ATG5: variants seen among roughly 807,000 people sequenced by gnomAD.
The protein encoded by ATG5 is autophagy related 5, also known as autophagy protein 5.
In ATG5, 14 loss-of-function variants were observed where a neutral mutation model predicts 36.5. The ratio of observed to expected loss-of-function variants is 0.38; its 90% CI spans 0.25 to 0.60. ATG5 has a LOEUF of 0.60. Among genes scored for constraint, ATG5 ranks in the 20% least tolerant of loss-of-function variants. ATG5 has a pLI of 0.60. For missense variants in ATG5, 195 were observed against 326.7 expected, an observed-to-expected ratio of 0.60 and a Z score of 3.11; for synonymous variants, 95 against 101.5, an observed-to-expected ratio of 0.94 and a Z score of 0.38.
chr6:106,279,261 C>T (rs935623031), intron 5 of ATG5, among the ~76,000 whole-genome samples: 2 of 152,156 alleles, frequency 1.3e-5, no homozygotes, highest in African/African-American at 4.8e-5. Context: ...GTCTACTGTC[C>T]TGAGAAAGCA....
chr6:106,286,761 T>G (rs1036582744), intron 4 of ATG5, among the ~76,000 whole-genome samples: 1 of 152,190 alleles, frequency 6.6e-6, no homozygotes, highest in Non-Finnish European at 1.5e-5. Context: ...TGACAAGAAC[T>G]TCACATGGTC....
At chr6:106,298,147 T>C (rs1770046934) in intron 3 of ATG5, among the ~76,000 whole-genome samples, 1 of 151,818 alleles carries the variant, frequency 6.6e-6, no homozygotes, top group Non-Finnish European at 1.5e-5. Context: ...GTATTTTTAG[T>C]AGAGATGGGG....
At chr6:106,278,818 CAT>C (rs1370228576) in intron 5 of ATG5, among the ~76,000 whole-genome samples, 2 of 152,128 alleles carry the variant, frequency 1.3e-5, no homozygotes, top group Non-Finnish European at 2.9e-5. Context: ...GAATAACAGA[CAT>C]AGAGAGGCCA....
intron 6 of ATG5, among the ~76,000 whole-genome samples, chr6:106,244,549 T>A (rs549123917): frequency 6.6e-6 from 1 of 152,366 alleles, no homozygotes; most frequent in East Asian, 1.9e-4. Context: ...CAACATTTCC[T>A]CAAGGTAGCC....
intron 6 of ATG5, among the ~76,000 whole-genome samples, chr6:106,239,814 A>G (rs1778044989): frequency 6.6e-6 from 1 of 152,204 alleles, no homozygotes; most frequent in South Asian, 2.1e-4. Context: ...ATCATTTGCA[A>G]ATTGTCTATA....
intron 5 of ATG5, among the ~76,000 whole-genome samples, chr6:106,270,873 T>A (rs1214229275): frequency 1.3e-5 from 2 of 152,166 alleles, no homozygotes; most frequent in Non-Finnish European, 2.9e-5. Context: ...TTTTAACCCA[T>A]CCTCTACATC....
At position 106,209,669 on chromosome 6, in the gene ATG5, A is replaced by G. The variant is rs113732345; in HGVS notation, c.574-7580T>C. ...AGAACTAAATACACACACACAGTATATGTAAAACTAAGGAAATCTGAGTAA... is the reference window on the plus strand; with the variant it reads ...AGAACTAAATACACACACACAGTATGTGTAAAACTAAGGAAATCTGAGTAA... On this transcript the variant is annotated intron_variant, in intron 6 of 7. Coordinates refer to ENST00000369076, the MANE Select transcript of ATG5 (RefSeq NM_004849.4). Among the ~76,000 whole-genome samples, 649 of 152,312 alleles carry G rather than the reference A, an allele frequency of 4.3e-3. 3 individuals are homozygous for G. Among genetic ancestry groups the G allele is most frequent in the African/African-American group, 0.015 (608 of 41,572 alleles).
intron 6 of ATG5, among the ~76,000 whole-genome samples, chr6:106,230,798 G>T (rs1174760306): frequency 6.6e-6 from 1 of 152,226 alleles, no homozygotes; most frequent in East Asian, 1.9e-4. Flanking sequence ...TCTTTAAGGG[G>T]GAGAAACCTG....
At chr6:106,188,435 T>C (rs1245355566) in intron 7 of ATG5, among the ~76,000 whole-genome samples, 1 of 152,204 alleles carries the variant, frequency 6.6e-6, no homozygotes, top group Non-Finnish European at 1.5e-5. Flanking sequence ...AGTTTTTCCT[T>C]AAGCCAGTCA....
chr6:106,314,510 T>TG (rs1457254699), intron 2 of ATG5, among the ~76,000 whole-genome samples: 1 of 152,156 alleles, frequency 6.6e-6, no homozygotes, highest in African/African-American at 2.4e-5. Context: ...TGAGCCGAGA[T>TG]GGCACTACTG....
chr6:106,196,675 A>G (rs770643249), intron 7 of ATG5, among the ~76,000 whole-genome samples: 7 of 151,974 alleles, frequency 4.6e-5, no homozygotes, highest in Non-Finnish European at 1.0e-4. Flanking sequence ...GTGAGCTGAG[A>G]TGGCATCACT....
At position 106,316,103 on chromosome 6, in the gene ATG5, A is replaced by G; in HGVS notation, c.106T>C (p.Tyr36His). Residue 36 changes from tyrosine (Y) to histidine (H), a missense_variant and splice_region_variant, in exon 2 of 8, where the codon TAT (tyrosine) becomes CAT (histidine). Physicochemically the swap from Tyr to His is moderately conservative, Grantham distance 83. Coordinates refer to ENST00000369076, the MANE Select transcript of ATG5 (RefSeq NM_004849.4). ...TTTGCCACAATCAATGTACTTACAT[A>G]GTATGGTTCTGCTTCCCTTTCAGTT... is the stretch of plus-strand genomic sequence containing the variant. ...EITEREAEPYYLLLPRVSYLT... is the reference protein window; with the variant it reads ...EITEREAEPYHLLLPRVSYLT... 6.2e-7 allele frequency: 1 copy of G among 1,609,810 alleles called. No individual in the cohort carries two copies. Among genetic ancestry groups the G allele is most frequent in the Non-Finnish European group, 8.5e-7 (1 of 1,177,274 alleles).
chr6:106,238,456 A>T (rs1199173163), intron 6 of ATG5, among the ~76,000 whole-genome samples: 1 of 152,210 alleles, frequency 6.6e-6, no homozygotes, highest in Admixed American at 6.5e-5. Context: ...CTGGGAGCTA[A>T]CCCATCCCTC....
chr6:106,325,310 C>T (rs1771245866), intron 1 of ATG5: 1 of 152,304 alleles, frequency 6.6e-6, no homozygotes, highest in South Asian at 2.1e-4. Context: ...CCAAGAGGGA[C>T]CCCGCAGGCC....
At chr6:106,322,559 T>G (rs901203332) in intron 1 of ATG5, among the ~76,000 whole-genome samples, 1 of 152,174 alleles carries the variant, frequency 6.6e-6, no homozygotes, top group Admixed American at 6.5e-5. Flanking sequence ...TCCTCCTCTC[T>G]CTCAGCTAAT....
intron 6 of ATG5, among the ~76,000 whole-genome samples, chr6:106,233,484 A>G (rs547257162): frequency 1.3e-5 from 2 of 152,152 alleles, no homozygotes; most frequent in Non-Finnish European, 2.9e-5. Context: ...TTTTCTTTAC[A>G]TGTCACAGAA....
At chr6:106,256,108 C>T (rs1471677593) in intron 5 of ATG5, among the ~76,000 whole-genome samples, 1 of 152,116 alleles carries the variant, frequency 6.6e-6, no homozygotes. Flanking sequence ...TTTTGAAAGA[C>T]TGACAAAAAG....
At chr6:106,272,567 C>T (rs1779492477) in intron 5 of ATG5, among the ~76,000 whole-genome samples, 1 of 152,218 alleles carries the variant, frequency 6.6e-6, no homozygotes, top group Non-Finnish European at 1.5e-5. Context: ...GCCCTTCCTC[C>T]TTCCTCTACA....
intron 2 of ATG5, among the ~76,000 whole-genome samples, chr6:106,312,733 T>C (rs538566264): frequency 1.3e-5 from 2 of 150,794 alleles, no homozygotes; most frequent in South Asian, 4.2e-4. Flanking sequence ...TGCCACAAGA[T>C]GGGAGAAGCA....
Sources: gnomAD v4.1 joint callset for allele counts (sites outside exome capture counted in the v4.1 genomes callset) on GRCh38, gnomAD v4.1.1 for gene constraint, MANE v1.5 for transcripts, NCBI Gene and HGNC (gene_info 2026-07-23, HGNC 2026-07-21) for gene names.